Variants in GRIP1 observed in about 807,000 individuals in gnomAD.
The protein encoded by GRIP1 is glutamate receptor interacting protein 1, also known as glutamate receptor-interacting protein 1.
Under a neutral mutation model 129.9 loss-of-function variants are expected in GRIP1, and 45 were observed. The observed-to-expected ratio is 0.35, with a 90% confidence interval of 0.27 to 0.44. GRIP1 has a LOEUF of 0.44. Ranked by LOEUF, GRIP1 falls within the 20% of genes least tolerant of loss-of-function variation. The pLI is 1.00. For missense variants in GRIP1, 1,196 were observed against 1,396.8 expected (o/e 0.86, Z 2.29); for synonymous variants, 530 against 520.8 (o/e 1.02, Z -0.24).
intron 1 of GRIP1, among the ~76,000 whole-genome samples, chr12:66,980,044 C>T (rs888188699): frequency 6.6e-6 from 1 of 152,112 alleles, no homozygotes; most frequent in East Asian, 1.9e-4. Context: ...AGGAGAATGC[C>T]AGTGAGGCTT....
intron 1 of GRIP1, among the ~76,000 whole-genome samples, chr12:66,729,280 T>G (rs2036353982): frequency 1.3e-5 from 2 of 152,094 alleles, no homozygotes; most frequent in African/African-American, 4.8e-5. Context: ...TAATTTTAGG[T>G]TTTTGGCTAG....
At chr12:66,777,202 C>T (rs1046215714) in intron 1 of GRIP1, among the ~76,000 whole-genome samples, 2 of 152,130 alleles carry the variant, frequency 1.3e-5, no homozygotes, top group African/African-American at 4.8e-5. Context: ...GGATCTGCTG[C>T]ACTCCCCACC....
At chr12:66,581,107 A>G (rs1365492666) in intron 2 of GRIP1, among the ~76,000 whole-genome samples, 2 of 152,248 alleles carry the variant, frequency 1.3e-5, no homozygotes, top group Admixed American at 1.3e-4. Context: ...AACTCACTCA[A>G]AACCACTCAA....
intron 1 of GRIP1, among the ~76,000 whole-genome samples, chr12:66,754,657 G>A (rs1174923094): frequency 1.3e-5 from 2 of 152,148 alleles, no homozygotes; most frequent in African/African-American, 4.8e-5. Context: ...AACACTCAGA[G>A]CTGATACCAT....
chr12:66,942,823 AC>A (rs1282623872), intron 1 of GRIP1, among the ~76,000 whole-genome samples: 1 of 152,106 alleles, frequency 6.6e-6, no homozygotes, highest in Non-Finnish European at 1.5e-5. Flanking sequence ...TGAGAGTAGA[AC>A]CCTCGTGAAT....
At chr12:66,420,585 A>G in intron 15 of GRIP1, 135 bp downstream of exon 15, 1 of 695,992 alleles carries the variant, frequency 1.4e-6, no homozygotes, top group Non-Finnish European at 2.6e-6. Context: ...AAATATGATC[A>G]ATTAATAGTG....
At chr12:66,506,470 GT>G (rs2060530355) in intron 7 of GRIP1, among the ~76,000 whole-genome samples, 1 of 152,134 alleles carries the variant, frequency 6.6e-6, no homozygotes, top group Non-Finnish European at 1.5e-5. Flanking sequence ...TTTATATAAA[GT>G]TTAAAGTCCA....
chr12:66,449,462 C>G (rs1227424116), intron 11 of GRIP1, among the ~76,000 whole-genome samples: 1 of 152,096 alleles, frequency 6.6e-6, no homozygotes, highest in African/African-American at 2.4e-5. Context: ...ATCGACTTTT[C>G]CTTAAGAAGC....
intron 23 of GRIP1, among the ~76,000 whole-genome samples, chr12:66,356,332 G>C (rs2054486573): frequency 6.6e-6 from 1 of 152,208 alleles, no homozygotes; most frequent in African/African-American, 2.4e-5. Context: ...GATGGCAACA[G>C]AGAATCGGCT....
intron 2 of GRIP1, among the ~76,000 whole-genome samples, chr12:66,553,787 C>G (rs1282924448): frequency 6.6e-6 from 1 of 151,850 alleles, no homozygotes; most frequent in Non-Finnish European, 1.5e-5. Flanking sequence ...TGCATTGGAA[C>G]TTGGTGCTTT....
At chr12:66,382,903 TG>T (rs1412086235) in intron 19 of GRIP1, among the ~76,000 whole-genome samples, 1 of 152,148 alleles carries the variant, frequency 6.6e-6, no homozygotes, top group African/African-American at 2.4e-5. Flanking sequence ...GAGACAGGTT[TG>T]GGGATTAGAA....
At chr12:67,027,235 C>A (rs1215640463) in intron 1 of GRIP1, among the ~76,000 whole-genome samples, 3 of 152,214 alleles carry the variant, frequency 2.0e-5, no homozygotes, top group African/African-American at 7.2e-5. Context: ...GGATGCTATT[C>A]CTTGGGAAAT....
chr12:66,735,177 A>T (rs1456780243), intron 1 of GRIP1, among the ~76,000 whole-genome samples: 2 of 152,166 alleles, frequency 1.3e-5, no homozygotes, highest in Non-Finnish European at 2.9e-5. Flanking sequence ...GATTTATAGG[A>T]GCGTGATTGT....
chr12:66,747,212 G>C (rs577189759), intron 1 of GRIP1, among the ~76,000 whole-genome samples: 2 of 151,918 alleles, frequency 1.3e-5, no homozygotes, highest in East Asian at 3.9e-4. Flanking sequence ...GAATATAAGG[G>C]ATTAAAAAAA....
At chr12:66,669,565 TATC>T (rs1565955280) in intron 1 of GRIP1, among the ~76,000 whole-genome samples, 1 of 152,162 alleles carries the variant, frequency 6.6e-6, no homozygotes, top group East Asian at 1.9e-4. Flanking sequence ...AACAAAGAAT[TATC>T]ATCAAATGTA....
intron 1 of GRIP1, among the ~76,000 whole-genome samples, chr12:66,657,178 C>T (rs1434736254): frequency 1.3e-5 from 2 of 152,138 alleles, no homozygotes; most frequent in African/African-American, 4.8e-5. Context: ...TGTAAGACAG[C>T]TCTCTAAATG....
chr12:66,948,632 T>C (rs994551152), intron 1 of GRIP1, among the ~76,000 whole-genome samples: 1 of 151,918 alleles, frequency 6.6e-6, no homozygotes, highest in East Asian at 1.9e-4. Context: ...GAGGAATAAA[T>C]ATGGCACACA....
chr12:66,632,120 T>C (rs1287580703), intron 1 of GRIP1, among the ~76,000 whole-genome samples: 1 of 152,076 alleles, frequency 6.6e-6, no homozygotes, highest in African/African-American at 2.4e-5. Context: ...TATCAGCAAG[T>C]CAAGAGTGGC....
chr12:66,765,144 G>GAAA (rs58506992), intron 1 of GRIP1, among the ~76,000 whole-genome samples: 73,967 of 151,678 alleles, frequency 0.49, 18,382 homozygotes, highest in Middle Eastern at 0.67. Flanking sequence ...ATCACATTTG[G>GAAA]TCTTCCTCAA....
Sources: allele counts gnomAD v4.1 joint callset (sites outside exome capture counted in the v4.1 genomes callset), GRCh38; gene constraint gnomAD v4.1.1; transcripts MANE v1.5; gene names NCBI Gene and HGNC (gene_info 2026-07-23, HGNC 2026-07-21).